The following HBG1 variants were observed in gnomAD, a reference collection of about 807,000 sequenced individuals.
HBG1 encodes the protein hemoglobin subunit gamma 1.
Under a neutral mutation model 5.9 loss-of-function variants are expected in HBG1, and 1 was observed. The ratio of observed to expected loss-of-function variants is 0.17; its 90% CI spans 0.06 to 0.81. The LOEUF (loss-of-function observed/expected upper bound fraction) is 0.81. Among genes scored for constraint, HBG1 ranks in the 30% least tolerant of loss-of-function variants. HBG1 has a pLI of 0.73. For missense variants in HBG1, 57 were observed against 122.0 expected, an observed-to-expected ratio of 0.47 and a Z score of 2.51; for synonymous variants, 19 against 50.5, an observed-to-expected ratio of 0.38 and a Z score of 2.64.
intron 2 of HBG1, among the ~76,000 whole-genome samples, chr11:5,248,868 C>T (rs1369498194): frequency 1.3e-5 from 2 of 149,940 alleles, no homozygotes; most frequent in African/African-American, 5.0e-5. Context: ...ACATACTTTG[C>T]CCCCATCTGG....
rs542089681 is a variant in HBG1 at position 5,248,755 on chromosome 11, G to C, written c.316-268C>G. Among the ~76,000 whole-genome samples the C allele has an allele frequency of 5.4e-3, 706 of 129,960 alleles. 8 individuals are homozygous for C. Among genetic ancestry groups the C allele is most frequent in the African/African-American group, 0.02 (611 of 30,440 alleles). 85.3% of individuals were successfully genotyped at this position (129,960 alleles called of 152,430 possible). A position where few individuals can be genotyped will look rare whatever the true frequency, so the allele number is the denominator to read the frequency against. On this transcript the variant is annotated intron_variant, in intron 2 of 2. Transcript: ENST00000330597. ...GAAGACGTTAAAAGAAACACACGCT[G>C]ACACACACACACACACGCGCGCGCG...
intron 2 of HBG1, among the ~76,000 whole-genome samples, chr11:5,249,082 A>G (rs548741968): frequency 1.8e-5 from 2 of 111,690 alleles, no homozygotes; most frequent in Non-Finnish European, 4.0e-5. Flanking sequence ...AAAATGAGGG[A>G]AAGATGAAAG....
rs1461774502 is a variant in HBG1 at position 5,248,269 on chromosome 11, T to G, written c.*90A>C. 36 of 1,545,360 alleles carry G rather than the reference T, an allele frequency of 2.3e-5. No individual in the cohort carries two copies. The highest frequency in any genetic ancestry group is 3.1e-5 in the Non-Finnish European group (35 of 1,119,716). The stretch of plus-strand genomic sequence containing the variant: ...TAAAAAAAAGAGCTGAAGAAAATCA[T>G]GTGTGATCTCTCAGCAGAATAGATT... On this transcript the variant is annotated 3_prime_UTR_variant, in exon 3 of 3. Coordinates refer to ENST00000330597, the MANE Select transcript of HBG1 (RefSeq NM_000559.3).
rs753814662 is a variant in HBG1 at position 5,248,390 on chromosome 11, A to G, written c.413T>C (p.Val138Ala). 2.5e-6 allele frequency: 4 copies of G among 1,614,190 alleles called. No homozygotes were observed. Among genetic ancestry groups the G allele is most frequent in the Non-Finnish European group, 3.4e-6 (4 of 1,180,002 alleles). Residue 138 changes from valine to alanine, a missense_variant, in exon 3 of 3, where the codon GTG becomes GCG. By Grantham distance (64) the Val-to-Ala change is moderately conservative. Coordinates refer to ENST00000330597, the MANE Select transcript of HBG1 (RefSeq NM_000559.3). ...GTATCTGGAGGACAGGGCACTGGCC[A>G]CTGCAGTCACCATCTTCTGCCAGGA... ...QASWQKMVTA[V>A]ASALSSRYH
At position 5,248,576 on chromosome 11, in the gene HBG1, C is replaced by A. The variant is rs28379094; in HGVS notation, c.316-89G>T. The A allele has an allele frequency of 0.022, 27,191 of 1,243,780 alleles. 2,992 individuals carry two copies. In the African/African-American group the frequency reaches 0.29, roughly 13 times the overall value. The allele number at this position is 1,243,780 out of a possible 1,614,324, so 77.0% of individuals were successfully genotyped here. A position where few individuals can be genotyped will look rare whatever the true frequency, so the allele number is the denominator to read the frequency against. On this transcript the variant is annotated intron_variant, in intron 2 of 2. Coordinates refer to ENST00000330597, the MANE Select transcript of HBG1 (RefSeq NM_000559.3). ...TCCAGATAACTACACACCAAGCTTC[C>A]ACCCAGAATCAAGCCTATGTTAACT...
chr11:5,248,542 A>G, intron 2 of HBG1, 55 bp from the exon 3 acceptor site: 1 of 1,479,750 alleles, frequency 6.8e-7, no homozygotes, highest in South Asian at 1.1e-5. Flanking sequence ...TGAGAGCTCC[A>G]GCCTGGCCTC....
chr11:5,248,560 C>A (rs112599588), intron 2 of HBG1, 73 bp from the exon 3 acceptor site: 2 of 1,297,230 alleles, frequency 1.5e-6, no homozygotes, highest in Non-Finnish European at 2.2e-6. Context: ...CTCCAGATAA[C>A]TACACACCAA....
Position 5,248,385 on chromosome 11 carries a change from T to C in HBG1, c.418A>G (p.Ser140Gly), listed in dbSNP as rs143667010. The C allele has an allele frequency of 2.2e-5, 36 of 1,614,060 alleles. No individual in the cohort carries two copies. The highest frequency in any genetic ancestry group is 2.9e-5 in the Non-Finnish European group (34 of 1,180,004). Residue 140 changes from serine to glycine, a missense_variant, in exon 3 of 3, where the codon AGT becomes GGT. Ser to Gly is a moderately conservative substitution (Grantham distance 56, BLOSUM62 0). Coordinates refer to ENST00000330597, the MANE Select transcript of HBG1 (RefSeq NM_000559.3). ...CAGTGGTATCTGGAGGACAGGGCACTGGCCACTGCAGTCACCATCTTCTGC... is the reference window on the plus strand; with the variant it reads ...CAGTGGTATCTGGAGGACAGGGCACCGGCCACTGCAGTCACCATCTTCTGC... Reference protein sequence around the residue: ...SWQKMVTAVASALSSRYH With the variant: ...SWQKMVTAVAGALSSRYH
chr11:5,248,867 GC>G (rs1847913770), intron 2 of HBG1, among the ~76,000 whole-genome samples: 1 of 149,618 alleles, frequency 6.7e-6, no homozygotes, highest in Non-Finnish European at 1.5e-5. Flanking sequence ...GACATACTTT[GC>G]CCCCATCTGG....
At position 5,248,396 on chromosome 11, in the gene HBG1, G is replaced by T. The variant is rs1486035182; in HGVS notation, c.407C>A (p.Thr136Asn). The change falls in exon 3 of 3, where the codon ACT (threonine) becomes AAT (asparagine). Residue 136 changes from threonine to asparagine, a missense_variant. By Grantham distance (65) the Thr-to-Asn change is moderately conservative. Transcript: ENST00000330597. ...EVQASWQKMV[T>N]AVASALSSRY... The stretch of plus-strand genomic sequence containing the variant: ...GGAGGACAGGGCACTGGCCACTGCA[G>T]TCACCATCTTCTGCCAGGAAGCCTG... 1.9e-6 allele frequency: 3 copies of T among 1,614,034 alleles called. No homozygotes were observed. The Admixed American group carries it at 5.0e-5, about 27-fold the overall frequency.
At position 5,248,421 on chromosome 11, in the gene HBG1, G is replaced by A. The variant is rs776923651; in HGVS notation, c.382C>T (p.Gln128Ter). ...HFGKEFTPEV[Q>*]ASWQKMVTAV... ...GTCACCATCTTCTGCCAGGAAGCCTGCACCTCAGGGGTGAATTCTTTGCCG... is the reference window on the plus strand; with the variant it reads ...GTCACCATCTTCTGCCAGGAAGCCTACACCTCAGGGGTGAATTCTTTGCCG... Residue 128 changes from glutamine (Q) to a stop codon, truncating the protein, a stop_gained, in exon 3 of 3, where the codon CAG becomes TAG. Transcript: ENST00000330597. LOFTEE classifies it high-confidence loss of function. The A allele has an allele frequency of 5.9e-5, 95 of 1,613,968 alleles. No individual in the cohort carries two copies. The highest frequency in any genetic ancestry group is 7.8e-5 in the Non-Finnish European group (92 of 1,179,982).
intron 2 of HBG1, 65 bp from the exon 3 acceptor site, chr11:5,248,552 C>T: frequency 7.5e-7 from 1 of 1,336,268 alleles, no homozygotes; most frequent in Non-Finnish European, 1.1e-6. Flanking sequence ...AGCCTGGCCT[C>T]CAGATAACTA....
At position 5,248,426 on chromosome 11, in the gene HBG1, T is replaced by G. The variant is rs770330940; in HGVS notation, c.377A>C (p.Glu126Ala). Residue 126 changes from glutamate to alanine, a missense_variant, in exon 3 of 3, where the codon GAG (glutamate) becomes GCG (alanine). Glu to Ala is a moderately radical substitution (Grantham distance 107). Around this residue, in one of 2 missense-constraint regions of HBG1, gnomAD observed 43 missense variants for 44.9 expected, o/e 0.96. Transcript: ENST00000330597. ...CATCTTCTGCCAGGAAGCCTGCACC[T>G]CAGGGGTGAATTCTTTGCCGAAATG... ...AIHFGKEFTP[E>A]VQASWQKMVT... The G allele has an allele frequency of 8.7e-6, 14 of 1,614,018 alleles. No homozygotes were observed. The African/African-American group carries it at 1.9e-4, about 22-fold the overall frequency.
rs113210097 is a variant in HBG1, at chr11:5,248,924, A to G, written c.316-437T>C. ...TAATGAAGCATTAGCAGCATTTTATATGTGTCCAGCTGATATAGGAATAGC... is the reference window on the plus strand; with the variant it reads ...TAATGAAGCATTAGCAGCATTTTATGTGTGTCCAGCTGATATAGGAATAGC... On this transcript the variant is annotated intron_variant, in intron 2 of 2. Coordinates refer to ENST00000330597, the MANE Select transcript of HBG1 (RefSeq NM_000559.3). Among the ~76,000 whole-genome samples the G allele has an allele frequency of 2.0e-4, 30 of 149,040 alleles. 1 individual carries two copies. Among genetic ancestry groups the G allele is most frequent in the African/African-American group, 7.5e-4 (30 of 39,956 alleles).
Position 5,248,502 on chromosome 11 carries a change from G to A in HBG1, c.316-15C>T. 1 of 1,611,462 alleles carries A rather than the reference G, an allele frequency of 6.2e-7. No homozygotes were observed. Among genetic ancestry groups the A allele is most frequent in the Non-Finnish European group, 8.5e-7 (1 of 1,178,014 alleles). The stretch of plus-strand genomic sequence containing the variant: ...TTTCCCAGGAGCTGTTGAGATGAAA[G>A]GAGACAATAAAGATGAACCCATAGT... On this transcript the variant is annotated splice_polypyrimidine_tract_variant and intron_variant, in intron 2 of 2. Coordinates refer to ENST00000330597, the MANE Select transcript of HBG1 (RefSeq NM_000559.3).
At chr11:5,248,773 C>T (rs113797881) in intron 2 of HBG1, among the ~76,000 whole-genome samples, 39 of 67,390 alleles carry the variant, frequency 5.8e-4, no homozygotes, top group East Asian at 7.5e-4. Context: ...CACACACACG[C>T]GCGCGCGCAC....
intron 2 of HBG1, among the ~76,000 whole-genome samples, 162 bp from the exon 3 acceptor site, chr11:5,248,649 T>A (rs1847909292): frequency 6.7e-6 from 1 of 150,090 alleles, no homozygotes; most frequent in African/African-American, 2.5e-5. Flanking sequence ...CAGGTAGTTG[T>A]TCCCCTTCAA....
At position 5,248,326 on chromosome 11, in the gene HBG1, A is replaced by C. The variant is rs762453007; in HGVS notation, c.*33T>G. On this transcript the variant is annotated 3_prime_UTR_variant, in exon 3 of 3. Transcript: ENST00000330597. ...TTGTATTGCTTGCAGAATAAAGCCT[A>C]TCCTTGAAAGCTCTGAATCATGGGC... 1.3e-5 allele frequency: 21 copies of C among 1,612,514 alleles called. No homozygotes were observed. The highest frequency in any genetic ancestry group is 5.1e-6 in the Non-Finnish European group (6 of 1,178,644).
At position 5,248,453 on chromosome 11, in the gene HBG1, A is replaced by G; in HGVS notation, c.350T>C (p.Ile117Thr). The G allele has an allele frequency of 6.2e-7, 1 of 1,613,682 alleles. No homozygotes were observed. The change falls in exon 3 of 3, where the codon ATC (isoleucine) becomes ACC (threonine). Residue 117 changes from isoleucine (I) to threonine (T), a missense_variant. Physicochemically the swap from Ile to Thr is moderately conservative, Grantham distance 89. Around this residue, in one of 2 missense-constraint regions of HBG1, gnomAD observed 43 missense variants for 44.9 expected, o/e 0.96. Transcript: ENST00000330597. ...AGGGGTGAATTCTTTGCCGAAATGGATTGCCAAAACGGTCACCAGCACATT... is the reference window on the plus strand; with the variant it reads ...AGGGGTGAATTCTTTGCCGAAATGGGTTGCCAAAACGGTCACCAGCACATT... ...LGNVLVTVLA[I>T]HFGKEFTPEV...
Sources: gnomAD v4.1 joint callset for allele counts (sites outside exome capture counted in the v4.1 genomes callset) on GRCh38, gnomAD v4.1.1 for gene constraint, gnomAD v4.1.1 regional missense constraint, MANE v1.5 for transcripts, NCBI Gene and HGNC (gene_info 2026-07-23, HGNC 2026-07-21) for gene names.